ZHX2: variants seen among roughly 807,000 people sequenced by gnomAD.
ZHX2 encodes the protein zinc fingers and homeoboxes 2.
A neutral mutation model predicts 21.9 loss-of-function variants in ZHX2; 6 were observed. The ratio of observed to expected loss-of-function variants is 0.27; its 90% CI spans 0.15 to 0.54. The LOEUF (loss-of-function observed/expected upper bound fraction) is 0.54, where lower values mean the gene tolerates loss of function less well. Ranked by LOEUF, ZHX2 falls within the 20% of genes least tolerant of loss-of-function variation. The probability of loss-of-function intolerance (pLI) is 0.95; values close to 1 mark genes in which losing one functional copy is unlikely to be tolerated. For synonymous variants in ZHX2, 434 were observed against 437.1 expected (o/e 0.99, Z 0.09); for missense variants, 908 against 1,090.7 (o/e 0.83, Z 2.36).
At chr8:122,929,140 G>A (rs1474041513) in intron 2 of ZHX2, among the ~76,000 whole-genome samples, 1 of 152,104 alleles carries the variant, frequency 6.6e-6, no homozygotes, top group East Asian at 1.9e-4. Flanking sequence ...CCTCAAACAA[G>A]CTAGTTGTTA....
chr8:122,907,931 C>T (rs1409905933), intron 2 of ZHX2, among the ~76,000 whole-genome samples: 1 of 152,146 alleles, frequency 6.6e-6, no homozygotes, highest in East Asian at 1.9e-4. Flanking sequence ...ATGCCTATTG[C>T]TGCATTTTCC....
At chr8:122,853,851 C>T (rs567633857) in intron 1 of ZHX2, among the ~76,000 whole-genome samples, 64 of 152,268 alleles carry the variant, frequency 4.2e-4, no homozygotes, top group Admixed American at 1.3e-3. Context: ...ACAGCCCATA[C>T]TCCTTGGAAT....
At chr8:122,861,194 A>T (rs1258826599) in intron 1 of ZHX2, among the ~76,000 whole-genome samples, 1 of 152,188 alleles carries the variant, frequency 6.6e-6, no homozygotes, top group African/African-American at 2.4e-5. Context: ...TGTCATGGAC[A>T]GCATGGAGTC....
intron 2 of ZHX2, among the ~76,000 whole-genome samples, chr8:122,887,534 A>G (rs965124780): frequency 1.3e-5 from 2 of 152,124 alleles, no homozygotes; most frequent in African/African-American, 4.8e-5. Flanking sequence ...AGAAACATCA[A>G]AAATGAAAAA....
chr8:122,798,031 T>C (rs1817646227), intron 1 of ZHX2, among the ~76,000 whole-genome samples: 1 of 152,030 alleles, frequency 6.6e-6, no homozygotes, highest in African/African-American at 2.4e-5. Context: ...ATTATCTGTA[T>C]GGAATAGAAA....
intron 3 of ZHX2, among the ~76,000 whole-genome samples, chr8:122,969,275 A>C (rs1563612202): frequency 1.3e-5 from 2 of 152,186 alleles, no homozygotes; most frequent in Admixed American, 6.5e-5. Context: ...CAATGGGTGT[A>C]AAGTTGCAGT....
intron 1 of ZHX2, among the ~76,000 whole-genome samples, chr8:122,853,628 G>A (rs1276289102): frequency 1.3e-5 from 2 of 151,988 alleles, no homozygotes; most frequent in African/African-American, 4.8e-5. Flanking sequence ...CCTTGCTCTG[G>A]ACCTCACCCC....
At chr8:122,870,996 C>G (rs1470951770) in intron 2 of ZHX2, among the ~76,000 whole-genome samples, 1 of 152,160 alleles carries the variant, frequency 6.6e-6, no homozygotes, top group Admixed American at 6.5e-5. Context: ...GTTGAAGGCT[C>G]TGGAAGCGTT....
At chr8:122,849,963 C>G (rs1818849214) in intron 1 of ZHX2, among the ~76,000 whole-genome samples, 2 of 152,268 alleles carry the variant, frequency 1.3e-5, no homozygotes, top group East Asian at 1.9e-4. Flanking sequence ...TCATCATCAC[C>G]ATCATCATAG....
rs35460327 is a variant in ZHX2 at position 122,951,684 on chromosome 8, C to T, written c.174C>T (p.Asn58=). ...AAELENSSKE[N]EVIEVKSMGE... ...AACTTGAAAACTCTTCCAAAGAAAA[C>T]GAAGTGATAGAGGTGAAATCTATGG... The change falls in exon 3 of 4, where the codon AAC becomes AAT. Residue 58 remains asparagine (N), a synonymous_variant. Coordinates refer to ENST00000314393, the MANE Select transcript of ZHX2 (RefSeq NM_014943.5). 2.0e-4 allele frequency: 319 copies of T among 1,613,998 alleles called. No homozygotes were observed. In the African/African-American group the frequency reaches 3.5e-3, roughly 17 times the overall value.
At chr8:122,968,698 G>A (rs960514796) in intron 3 of ZHX2, among the ~76,000 whole-genome samples, 21 of 152,078 alleles carry the variant, frequency 1.4e-4, no homozygotes, top group African/African-American at 4.8e-4. Flanking sequence ...AATTAGCCAG[G>A]CATGGTAGTG....
Position 122,953,656 on chromosome 8 carries a change from A to G in ZHX2, c.2146A>G (p.Met716Val), listed in dbSNP as rs774103891. Reference sequence around the variant, plus strand: ...CGTAGCAAGGAAAGCAACAAAACCCATGGCCGAGAGCCCAAAGAACGGGGG... The same window carrying G: ...CGTAGCAAGGAAAGCAACAAAACCCGTGGCCGAGAGCCCAAAGAACGGGGG... ...DAVARKATKP[M>V]AESPKNGGDV... Residue 716 changes from methionine to valine, a missense_variant, in exon 3 of 4, where the codon ATG (methionine) becomes GTG (valine). Physicochemically the swap from Met to Val is conservative, Grantham distance 21 (BLOSUM62 1). Coordinates refer to ENST00000314393, the MANE Select transcript of ZHX2 (RefSeq NM_014943.5). This position sits in a 1 kb window ranked among gnomAD's most constrained non-coding sequence, Gnocchi z 4.6. 1.2e-6 allele frequency: 2 copies of G among 1,614,246 alleles called. No individual in the cohort carries two copies. The highest frequency in any genetic ancestry group is 1.7e-6 in the Non-Finnish European group (2 of 1,180,048).
intron 2 of ZHX2, among the ~76,000 whole-genome samples, chr8:122,915,070 T>C (rs1313611924): frequency 6.6e-6 from 1 of 152,146 alleles, no homozygotes. Flanking sequence ...GGGATAGCTG[T>C]TATCATCTTG....
chr8:122,938,474 A>G (rs1212364747), intron 2 of ZHX2, among the ~76,000 whole-genome samples: 1 of 152,094 alleles, frequency 6.6e-6, no homozygotes, highest in East Asian at 1.9e-4. Context: ...ACCAAGAAGG[A>G]TGGAGAGGAG....
intron 1 of ZHX2, among the ~76,000 whole-genome samples, chr8:122,827,824 G>C (rs1336430035): frequency 6.6e-6 from 1 of 152,242 alleles, no homozygotes; most frequent in Non-Finnish European, 1.5e-5. Context: ...AGATGAAATA[G>C]AGAAGAGCTG....
intron 2 of ZHX2, among the ~76,000 whole-genome samples, chr8:122,937,422 A>G (rs1185047159): frequency 6.6e-6 from 1 of 152,184 alleles, no homozygotes; most frequent in Non-Finnish European, 1.5e-5. Flanking sequence ...TCTGAGGTCT[A>G]TGTGAGAACC....
chr8:122,790,968 T>C (rs1355555611), intron 1 of ZHX2, among the ~76,000 whole-genome samples: 4 of 152,202 alleles, frequency 2.6e-5, no homozygotes, highest in Non-Finnish European at 5.9e-5. Flanking sequence ...GGGGAAGTCC[T>C]TTATCCAAGA....
intron 1 of ZHX2, among the ~76,000 whole-genome samples, chr8:122,841,071 C>G (rs1247233187): frequency 6.6e-6 from 1 of 152,204 alleles, no homozygotes; most frequent in African/African-American, 2.4e-5. Flanking sequence ...GACTGTTTAC[C>G]TGGCCCTTGG....
intron 2 of ZHX2, among the ~76,000 whole-genome samples, chr8:122,923,333 G>A (rs1486283973): frequency 6.6e-6 from 1 of 152,238 alleles, no homozygotes; most frequent in Non-Finnish European, 1.5e-5. Flanking sequence ...CTGAGCGTCT[G>A]TCTCCCTGCT....
Sources: allele counts gnomAD v4.1 joint callset (sites outside exome capture counted in the v4.1 genomes callset), GRCh38; gene constraint gnomAD v4.1.1; non-coding constraint Gnocchi (gnomAD v3.1); transcripts MANE v1.5; gene names NCBI Gene and HGNC (gene_info 2026-07-23, HGNC 2026-07-21).